Variants in LAMA2 observed in about 807,000 individuals in gnomAD.
LAMA2 encodes laminin subunit alpha 2.
In LAMA2, 269 loss-of-function variants were observed where a neutral mutation model predicts 364.8. That is an observed-to-expected ratio of 0.74 (90% CI 0.67 to 0.82). The LOEUF (loss-of-function observed/expected upper bound fraction) is 0.82, where lower values mean the gene tolerates loss of function less well. LAMA2 is among the 40% of genes least tolerant of loss of function. LAMA2 has a pLI of 0.00. For synonymous variants in LAMA2, 1,379 were observed against 1,370.6 expected (o/e 1.01, Z -0.14); for missense variants, 3,807 against 3,873.2 (o/e 0.98, Z 0.45).
intron 18 of LAMA2, among the ~76,000 whole-genome samples, 194 bp downstream of exon 18, chr6:129,280,341 CATAA>C (rs1788636171): frequency 6.6e-6 from 1 of 152,172 alleles, no homozygotes; most frequent in Non-Finnish European, 1.5e-5. Flanking sequence ...GAAATTGCTT[CATAA>C]ATCTTCATTC....
intron 1 of LAMA2, among the ~76,000 whole-genome samples, chr6:128,894,681 A>G (rs1776656016): frequency 6.6e-6 from 1 of 152,220 alleles, no homozygotes; most frequent in Admixed American, 6.5e-5. Flanking sequence ...AATAAATTTA[A>G]TCATTGTTAC....
chr6:128,966,025 CT>C (rs1781820957), intron 1 of LAMA2, among the ~76,000 whole-genome samples: 1 of 118,990 alleles, frequency 8.4e-6, no homozygotes, highest in African/African-American at 3.4e-5. Flanking sequence ...TTCTAAAACA[CT>C]TTTTAGGATA....
At chr6:129,494,542 C>T (rs1345805083) in intron 58 of LAMA2, among the ~76,000 whole-genome samples, 1 of 152,216 alleles carries the variant, frequency 6.6e-6, no homozygotes, top group African/African-American at 2.4e-5. Flanking sequence ...CAGTACTCTG[C>T]CAGGCATTTC....
intron 1 of LAMA2, among the ~76,000 whole-genome samples, chr6:128,987,126 G>T (rs867426774): frequency 0.034 from 4,066 of 120,870 alleles, 195 homozygotes; most frequent in African/African-American, 0.1. Flanking sequence ...AGGATAGTTT[G>T]TTTTTTTTTT....
chr6:129,193,091 G>A (rs1781631509), intron 12 of LAMA2, among the ~76,000 whole-genome samples: 1 of 152,136 alleles, frequency 6.6e-6, no homozygotes, highest in Non-Finnish European at 1.5e-5. Context: ...CTTTTTGAAT[G>A]GGCAAATAAA....
chr6:129,338,058 A>G (rs1776055618), intron 29 of LAMA2, among the ~76,000 whole-genome samples: 1 of 152,190 alleles, frequency 6.6e-6, no homozygotes, highest in African/African-American at 2.4e-5. Context: ...GAGAAGATTG[A>G]CTGTCCAGAG....
chr6:129,059,673 A>C (rs1233381337), intron 2 of LAMA2, 111 bp from the exon 3 acceptor site: 22 of 702,690 alleles, frequency 3.1e-5, no homozygotes, highest in Non-Finnish European at 5.2e-6. Context: ...TTAATGTTTG[A>C]TATTCACATG....
At chr6:129,407,860 A>G (rs1219338840) in intron 40 of LAMA2, among the ~76,000 whole-genome samples, 2 of 152,198 alleles carry the variant, frequency 1.3e-5, no homozygotes, top group African/African-American at 2.4e-5. Flanking sequence ...CCTGTATTCC[A>G]TGCATGCTCT....
chr6:129,319,033 T>A (rs1260765749), intron 27 of LAMA2, among the ~76,000 whole-genome samples: 1 of 152,234 alleles, frequency 6.6e-6, no homozygotes, highest in Admixed American at 6.5e-5. Flanking sequence ...TTTTCAATTA[T>A]AATGACTATT....
intron 22 of LAMA2, among the ~76,000 whole-genome samples, chr6:129,309,902 A>ATTT (rs993652081): frequency 1.5e-5 from 2 of 135,788 alleles, no homozygotes; most frequent in East Asian, 2.4e-4. Context: ...CCTGATAATC[A>ATTT]TTTTTTTTTT....
chr6:129,230,055 T>C (rs1583301195), intron 12 of LAMA2, among the ~76,000 whole-genome samples: 1 of 152,254 alleles, frequency 6.6e-6, no homozygotes, highest in Middle Eastern at 3.4e-3. Flanking sequence ...GAAGACTAGA[T>C]GTGATAACCA....
Position 129,369,962 on chromosome 6 carries a change from T to C in LAMA2, c.4931T>C (p.Val1644Ala), listed in dbSNP as rs894100204. Residue 1644 changes from valine to alanine, a missense_variant, in exon 34 of 65, where the codon GTG becomes GCG. Coordinates refer to ENST00000421865, the MANE Select transcript of LAMA2 (RefSeq NM_000426.4). ...QLAEGNLNTL[V>A]TEMNELLTRA... is the part of the protein sequence containing the mutation. The stretch of plus-strand genomic sequence containing the variant: ...GCAGAGGGCAATCTGAATACACTCG[T>C]GACCGAAATGAACGAGCTGCTGACC... 1.2e-6 allele frequency: 2 copies of C among 1,614,112 alleles called. No homozygotes were observed.
At chr6:128,952,641 A>C (rs552528914) in intron 1 of LAMA2, among the ~76,000 whole-genome samples, 2 of 152,310 alleles carry the variant, frequency 1.3e-5, no homozygotes, top group South Asian at 4.1e-4. Context: ...TACAAGTAGA[A>C]GAGTCACACT....
At chr6:129,355,231 T>G (rs1160725789) in intron 32 of LAMA2, among the ~76,000 whole-genome samples, 1 of 152,222 alleles carries the variant, frequency 6.6e-6, no homozygotes, top group Admixed American at 6.5e-5. Context: ...TGATTTCCAC[T>G]TACTTCTAGG....
intron 1 of LAMA2, among the ~76,000 whole-genome samples, chr6:128,990,184 T>A (rs1370250076): frequency 6.6e-6 from 1 of 152,252 alleles, no homozygotes; most frequent in African/African-American, 2.4e-5. Context: ...TTGTATACAC[T>A]ATTTGTTTAG....
chr6:129,120,451 G>T (rs1776743595), intron 4 of LAMA2, among the ~76,000 whole-genome samples: 2 of 152,092 alleles, frequency 1.3e-5, no homozygotes, highest in Admixed American at 1.3e-4. Context: ...AGCTTACAGG[G>T]TTTTATCAGG....
intron 3 of LAMA2, among the ~76,000 whole-genome samples, chr6:129,060,952 C>T (rs907195685): frequency 2.0e-5 from 3 of 152,162 alleles, no homozygotes; most frequent in Admixed American, 6.5e-5. Context: ...GCTTATATCA[C>T]CAAATGGCAT....
chr6:129,415,104 G>A (rs868656178), intron 40 of LAMA2, among the ~76,000 whole-genome samples: 9 of 152,140 alleles, frequency 5.9e-5, no homozygotes, highest in Non-Finnish European at 7.3e-5. Context: ...CACTCTTTAA[G>A]ATGAAGCTAT....
chr6:129,073,311 C>T (rs1216950424), intron 3 of LAMA2, among the ~76,000 whole-genome samples: 1 of 151,634 alleles, frequency 6.6e-6, no homozygotes, highest in Non-Finnish European at 1.5e-5. Context: ...TTTAATTTTG[C>T]TTTTGGTGTT....
Sources: gnomAD v4.1 joint callset for allele counts (sites outside exome capture counted in the v4.1 genomes callset) on GRCh38, gnomAD v4.1.1 for gene constraint, MANE v1.5 for transcripts, NCBI Gene and HGNC (gene_info 2026-07-23, HGNC 2026-07-21) for gene names.